LMBRD2: variants seen among roughly 807,000 people sequenced by gnomAD.
LMBRD2 encodes LMBR1 domain containing 2.
A neutral mutation model predicts 94.4 loss-of-function variants in LMBRD2; 55 were observed. The observed-to-expected ratio is 0.58, with a 90% CI of 0.47 to 0.73. LMBRD2 has a LOEUF of 0.73. LMBRD2 is among the 30% of genes least tolerant of loss of function. LMBRD2 has a pLI of 0.00. For missense variants in LMBRD2, 640 were observed against 831.9 expected (o/e 0.77, Z 2.84); for synonymous variants, 246 against 272.4 (o/e 0.90, Z 0.95).
At chr5:36,142,459 G>T (rs111321322) in intron 3 of LMBRD2, 43 bp downstream of exon 3, 1 of 1,110,268 alleles carries the variant, frequency 9.0e-7, no homozygotes, top group Non-Finnish European at 1.4e-6. Context: ...TAAACAATGT[G>T]TCCCCTACAA....
chr5:36,122,493 A>T, intron 8 of LMBRD2, 30 bp from the exon 9 acceptor site: 1 of 1,582,132 alleles, frequency 6.3e-7, no homozygotes, highest in East Asian at 2.2e-5. Context: ...TAGACCTGGC[A>T]GTGTTCTGAT....
At chr5:36,107,518 T>C (rs1291679019) in intron 16 of LMBRD2, among the ~76,000 whole-genome samples, 1 of 152,244 alleles carries the variant, frequency 6.6e-6, no homozygotes, top group Non-Finnish European at 1.5e-5. Flanking sequence ...TAGATCATCA[T>C]TGCTGATGGC....
chr5:36,116,345 A>C (rs1743743387), intron 11 of LMBRD2, 115 bp downstream of exon 11: 1 of 918,572 alleles, frequency 1.1e-6, no homozygotes, highest in African/African-American at 1.7e-5. Flanking sequence ...CTAATCAATT[A>C]GCTGATAGAA....
In LMBRD2 at chr5:36,103,424, G is replaced by C. The variant is rs1177396977; in HGVS notation, c.*622C>G. Reference sequence around the variant, plus strand: ...TTATAGTACACATGCTAAATACACAGACACGCATCACTTGAAGTATAATCT... The same window carrying C: ...TTATAGTACACATGCTAAATACACACACACGCATCACTTGAAGTATAATCT... On this transcript the variant is annotated 3_prime_UTR_variant, in exon 18 of 18. Coordinates refer to ENST00000296603, the MANE Select transcript of LMBRD2 (RefSeq NM_001007527.2). The C allele has an allele frequency of 6.6e-6, 1 of 152,226 alleles. No individual in the cohort carries two copies. Among genetic ancestry groups the C allele is most frequent in the African/African-American group, 2.4e-5 (1 of 41,362 alleles). The allele number at this position is 152,226 out of a possible 1,614,324, so 9.4% of individuals were successfully genotyped here. A position where few individuals can be genotyped will look rare whatever the true frequency, so the allele number is the denominator to read the frequency against.
rs1261082403 is a variant in LMBRD2 at position 36,151,090 on chromosome 5, G to C, written c.-58+466C>G. On this transcript the variant is annotated intron_variant, in intron 1 of 17. Transcript: ENST00000296603. The surrounding 1 kb of genome is among the most constrained non-coding windows in gnomAD (Gnocchi z 4.7). ...TGGATTTCGCATGGTCATTGTACCT[G>C]GAATATGTCACGCTCCCTACTCTTA... Among the ~76,000 whole-genome samples, 2 of 152,144 alleles carry C rather than the reference G, an allele frequency of 1.3e-5. No homozygotes were observed. The highest frequency in any genetic ancestry group is 2.9e-5 in the Non-Finnish European group (2 of 68,044).
intron 3 of LMBRD2, among the ~76,000 whole-genome samples, chr5:36,142,253 A>C (rs571156318): frequency 2.0e-5 from 3 of 152,286 alleles, no homozygotes; most frequent in Admixed American, 6.5e-5. Context: ...CAGGACTAAA[A>C]AATCAGGACT....
chr5:36,120,684 C>G (rs1398302550), intron 9 of LMBRD2, among the ~76,000 whole-genome samples: 1 of 152,150 alleles, frequency 6.6e-6, no homozygotes, highest in African/African-American at 2.4e-5. Flanking sequence ...TTAGAGTTTT[C>G]TAGTCTGTCT....
intron 1 of LMBRD2, among the ~76,000 whole-genome samples, chr5:36,144,255 A>T (rs749932200): frequency 5.9e-5 from 9 of 152,226 alleles, no homozygotes; most frequent in Non-Finnish European, 1.2e-4. Flanking sequence ...TACTTAAAAA[A>T]ATTTACTAAT....
chr5:36,118,003 T>C lies in LMBRD2; in HGVS notation c.1121-87A>G, dbSNP rs1743799572. 3 of 1,026,584 alleles carry C rather than the reference T, an allele frequency of 2.9e-6. 1 individual carries two copies. The highest frequency in any genetic ancestry group is 3.6e-5 in the South Asian group (2 of 54,894). 63.6% of individuals were successfully genotyped at this position (1,026,584 alleles called of 1,614,324 possible). Reference sequence around the variant, plus strand: ...TGTTTCAAAATAGCTCCTAATAAGATACTTAATTACAAAGAGAAAAACAGC... The same window carrying C: ...TGTTTCAAAATAGCTCCTAATAAGACACTTAATTACAAAGAGAAAAACAGC... On this transcript the variant is annotated intron_variant, in intron 9 of 17. Transcript: ENST00000296603.
At chr5:36,138,655 A>G (rs769481776) in intron 4 of LMBRD2, among the ~76,000 whole-genome samples, 1 of 152,204 alleles carries the variant, frequency 6.6e-6, no homozygotes, top group Non-Finnish European at 1.5e-5. Flanking sequence ...CTTTGAAAAA[A>G]GTCAAACTAA....
chr5:36,131,755 A>G (rs185319913), intron 6 of LMBRD2, among the ~76,000 whole-genome samples: 2 of 152,294 alleles, frequency 1.3e-5, no homozygotes, highest in Admixed American at 1.3e-4. Context: ...CCAAGGAATT[A>G]GCCAAATAAG....
intron 6 of LMBRD2, among the ~76,000 whole-genome samples, chr5:36,127,458 G>A (rs1419153066): frequency 6.6e-6 from 1 of 152,160 alleles, no homozygotes; most frequent in Non-Finnish European, 1.5e-5. Flanking sequence ...GTACTAAGTG[G>A]GCTCTTGGGG....
At chr5:36,111,019 G>A in intron 14 of LMBRD2, 136 bp downstream of exon 14, 1 of 588,928 alleles carries the variant, frequency 1.7e-6, no homozygotes, top group Non-Finnish European at 3.0e-6. Context: ...TACATTTTTA[G>A]CTAAAAATGT....
chr5:36,118,945 G>A (rs748817603), intron 9 of LMBRD2, among the ~76,000 whole-genome samples: 3 of 151,770 alleles, frequency 2.0e-5, no homozygotes, highest in Non-Finnish European at 2.9e-5. Context: ...CACCCACCTC[G>A]GCCTCACAAA....
intron 16 of LMBRD2, among the ~76,000 whole-genome samples, chr5:36,107,454 A>G (rs1194232071): frequency 2.6e-5 from 4 of 152,258 alleles, no homozygotes; most frequent in African/African-American, 9.6e-5. Context: ...TAAAAGAAGG[A>G]AAAGATGGAG....
chr5:36,122,528 A>G, intron 8 of LMBRD2, 65 bp from the exon 9 acceptor site: 2 of 1,329,648 alleles, frequency 1.5e-6, no homozygotes, highest in South Asian at 2.5e-5. Context: ...ACTCTCCACT[A>G]GGGAGCATGT....
At chr5:36,112,967 A>C (rs1743647659) in intron 13 of LMBRD2, among the ~76,000 whole-genome samples, 1 of 152,142 alleles carries the variant, frequency 6.6e-6, no homozygotes, top group East Asian at 1.9e-4. Flanking sequence ...TACTGTCTCC[A>C]CCTAAAGAAA....
At position 36,103,884 on chromosome 5, in the gene LMBRD2, C is replaced by T. The variant is rs188644119; in HGVS notation, c.*162G>A. On this transcript the variant is annotated 3_prime_UTR_variant, in exon 18 of 18. Transcript: ENST00000296603. ...AAAAGGTGATACTCTATTCAATGCACATTAAACTATTATTCCTAAGATATA... is the reference window on the plus strand; with the variant it reads ...AAAAGGTGATACTCTATTCAATGCATATTAAACTATTATTCCTAAGATATA... The T allele has an allele frequency of 2.3e-4, 127 of 549,490 alleles. 1 individual carries two copies. In the Admixed American group the frequency reaches 2.6e-3, roughly 11 times the overall value. The allele number at this position is 549,490 out of a possible 1,614,324, so 34.0% of individuals were successfully genotyped here. A position where few individuals can be genotyped will look rare whatever the true frequency, so the allele number is the denominator to read the frequency against.
At chr5:36,137,824 C>T (rs1744306999) in intron 4 of LMBRD2, among the ~76,000 whole-genome samples, 1 of 152,142 alleles carries the variant, frequency 6.6e-6, no homozygotes, top group Non-Finnish European at 1.5e-5. Flanking sequence ...CAGTTGACAG[C>T]ATACTGACTT....
Sources: gnomAD v4.1 joint callset for allele counts (sites outside exome capture counted in the v4.1 genomes callset) on GRCh38, gnomAD v4.1.1 for gene constraint, Gnocchi (gnomAD v3.1) non-coding constraint, MANE v1.5 for transcripts, NCBI Gene and HGNC (gene_info 2026-07-23, HGNC 2026-07-21) for gene names.